ZMYND11: variants seen among roughly 807,000 people sequenced by gnomAD.
The protein encoded by ZMYND11 is zinc finger MYND-type containing 11, also known as zinc finger MYND domain-containing protein 11.
A neutral mutation model predicts 84.9 loss-of-function variants in ZMYND11; 9 were observed. The ratio of observed to expected loss-of-function variants is 0.11; its 90% CI spans 0.06 to 0.18. The LOEUF (loss-of-function observed/expected upper bound fraction) is 0.18. ZMYND11 is among the 10% of genes least tolerant of loss of function. ZMYND11 has a pLI of 1.00. For missense variants in ZMYND11, 409 were observed against 761.0 expected (o/e 0.54, Z 5.44); for synonymous variants, 250 against 244.1 (o/e 1.02, Z -0.23).
At chr10:153,618 A>G (rs1454638578) in intron 1 of ZMYND11, among the ~76,000 whole-genome samples, 2 of 152,242 alleles carry the variant, frequency 1.3e-5, no homozygotes, top group Non-Finnish European at 2.9e-5. Context: ...CAAAGCATTT[A>G]AAAAGCAAAG....
At position 139,305 on chromosome 10, in the gene ZMYND11, T is replaced by C. The variant is rs531868693; in HGVS notation, c.-20+3746T>C. Among the ~76,000 whole-genome samples the C allele has an allele frequency of 6.9e-4, 105 of 152,362 alleles. 3 individuals carry two copies. In the South Asian group the frequency reaches 0.021, roughly 31 times the overall value. On this transcript the variant is annotated intron_variant, in intron 1 of 14. Transcript: ENST00000381604. ...TATATTTCCTTGAAGCAGATAGACT[T>C]TCTGAATAAAGGAAAACTGGTGTTT...
chr10:141,510 C>T (rs1245566832), intron 1 of ZMYND11, among the ~76,000 whole-genome samples: 11 of 152,114 alleles, frequency 7.2e-5, no homozygotes, highest in African/African-American at 2.4e-4. Context: ...TAAGATAAGT[C>T]GTATTTGTGT....
upstream of ZMYND11, chr10:135,104 G>A (rs1202176876): frequency 2.7e-5 from 4 of 150,024 alleles, no homozygotes; most frequent in Admixed American, 6.6e-5. This position sits in a 1 kb window ranked among gnomAD's most constrained non-coding sequence, Gnocchi z 5.6. Flanking sequence ...GTGAGCGGCT[G>A]CCGCGGCTTC....
At chr10:187,356 T>TG (rs1162220203) in intron 2 of ZMYND11, among the ~76,000 whole-genome samples, 1 of 152,114 alleles carries the variant, frequency 6.6e-6, no homozygotes, top group Non-Finnish European at 1.5e-5. Context: ...AAACCATGGC[T>TG]GGGCGCGGTG....
At chr10:232,858 GAGA>G (rs1949239685) in intron 4 of ZMYND11, among the ~76,000 whole-genome samples, 1 of 152,212 alleles carries the variant, frequency 6.6e-6, no homozygotes, top group Non-Finnish European at 1.5e-5. Flanking sequence ...ATATAAATGA[GAGA>G]AGTATTCCTC....
chr10:234,154 A>G (rs1440272792), intron 4 of ZMYND11, among the ~76,000 whole-genome samples: 1 of 152,262 alleles, frequency 6.6e-6, no homozygotes, highest in African/African-American at 2.4e-5. Flanking sequence ...TTGCCCATAT[A>G]GAAACAGTGG....
At chr10:151,599 T>C (rs1480222202) in intron 1 of ZMYND11, among the ~76,000 whole-genome samples, 1 of 152,154 alleles carries the variant, frequency 6.6e-6, no homozygotes, top group Non-Finnish European at 1.5e-5. Flanking sequence ...TTGGCGTACC[T>C]GAAAGTCACG....
intron 2 of ZMYND11, among the ~76,000 whole-genome samples, chr10:197,272 T>C (rs12412533): frequency 0.051 from 5,582 of 108,798 alleles, no homozygotes; most frequent in East Asian, 0.13. Flanking sequence ...TTTTAGTTCA[T>C]GTGTGTGCCC....
intron 2 of ZMYND11, among the ~76,000 whole-genome samples, chr10:200,444 G>A (rs1190171858): frequency 6.8e-6 from 1 of 148,056 alleles, no homozygotes; most frequent in Non-Finnish European, 1.5e-5. Flanking sequence ...ATAAATATGT[G>A]TGTATATATT....
At chr10:196,397 A>C (rs975477494) in intron 2 of ZMYND11, among the ~76,000 whole-genome samples, 4 of 152,208 alleles carry the variant, frequency 2.6e-5, no homozygotes, top group African/African-American at 9.6e-5. Flanking sequence ...TTCTCCAACA[A>C]ACTGGATAAA....
chr10:175,737 T>G (rs1418595985), intron 1 of ZMYND11, among the ~76,000 whole-genome samples: 1 of 152,144 alleles, frequency 6.6e-6, no homozygotes, highest in Non-Finnish European at 1.5e-5. Flanking sequence ...AAGCATTGTA[T>G]GGATAAACCT....
At chr10:204,250 T>C (rs1452209097) in intron 2 of ZMYND11, among the ~76,000 whole-genome samples, 19 of 152,210 alleles carry the variant, frequency 1.2e-4, no homozygotes, top group Non-Finnish European at 2.9e-5. Flanking sequence ...CTACCAATAA[T>C]GTGAAATGCC....
chr10:193,825 ATAT>A (rs762853216), intron 2 of ZMYND11, among the ~76,000 whole-genome samples: 3 of 152,186 alleles, frequency 2.0e-5, no homozygotes, highest in Non-Finnish European at 4.4e-5. Context: ...GAATGGAAAC[ATAT>A]TATTTTCCAT....
intron 6 of ZMYND11, among the ~76,000 whole-genome samples, chr10:238,653 G>A (rs1279877452): frequency 2.0e-5 from 3 of 152,180 alleles, no homozygotes; most frequent in Non-Finnish European, 4.4e-5. Flanking sequence ...ACCGCGCCCG[G>A]CCACAAGTTT....
At chr10:163,854 A>G (rs1358498470) in intron 1 of ZMYND11, among the ~76,000 whole-genome samples, 1 of 151,958 alleles carries the variant, frequency 6.6e-6, no homozygotes, top group Non-Finnish European at 1.5e-5. Context: ...CGTGAGTTGG[A>G]TTTACTGTTG....
intron 10 of ZMYND11, among the ~76,000 whole-genome samples, chr10:243,812 C>T (rs908036919): frequency 6.6e-6 from 1 of 152,130 alleles, no homozygotes; most frequent in Non-Finnish European, 1.5e-5. Context: ...TTGCAGTGAG[C>T]AGAGACTGTG....
intron 1 of ZMYND11, among the ~76,000 whole-genome samples, chr10:158,470 G>A (rs559039775): frequency 5.4e-4 from 82 of 150,678 alleles, no homozygotes; most frequent in African/African-American, 1.5e-3. Flanking sequence ...CCAGGTTGGA[G>A]TACAGTGGTG....
intron 13 of ZMYND11, 42 bp downstream of exon 13, chr10:248,650 A>T (rs1446853812): frequency 6.4e-7 from 1 of 1,554,538 alleles, no homozygotes; most frequent in African/African-American, 1.4e-5. Context: ...TGCAGCCGGC[A>T]CTCCTGTCAT....
At chr10:208,476 G>A (rs1383999237) in intron 2 of ZMYND11, among the ~76,000 whole-genome samples, 1 of 152,078 alleles carries the variant, frequency 6.6e-6, no homozygotes, top group African/African-American at 2.4e-5. Context: ...ACAAAAAGTG[G>A]ACGAAGGACA....
Sources: allele counts gnomAD v4.1 joint callset (sites outside exome capture counted in the v4.1 genomes callset), GRCh38; gene constraint gnomAD v4.1.1; non-coding constraint Gnocchi (gnomAD v3.1); transcripts MANE v1.5; gene names NCBI Gene and HGNC (gene_info 2026-07-23, HGNC 2026-07-21).